UBAP2: variants seen among roughly 807,000 people sequenced by gnomAD.
The protein encoded by UBAP2 is ubiquitin-associated protein 2.
UBAP2 carries 75 observed loss-of-function variants against 139.6 expected under a neutral mutation model. The observed-to-expected ratio is 0.54, with a 90% CI of 0.45 to 0.65. UBAP2 has a LOEUF of 0.65. Among genes scored for constraint, UBAP2 ranks in the 30% least tolerant of loss-of-function variants. The pLI is 0.00. For missense variants in UBAP2, 1,368 were observed against 1,369.6 expected (o/e 1.00, Z 0.02); for synonymous variants, 526 against 526.2 (o/e 1.00, Z 0.01).
At chr9:33,961,190 T>G (rs970286374) in intron 9 of UBAP2, among the ~76,000 whole-genome samples, 2 of 152,230 alleles carry the variant, frequency 1.3e-5, no homozygotes, top group South Asian at 2.1e-4. Flanking sequence ...AATTCTGCCA[T>G]GAGTAAGAAA....
At chr9:34,037,145 T>G (rs1826500330) in intron 1 of UBAP2, among the ~76,000 whole-genome samples, 1 of 152,052 alleles carries the variant, frequency 6.6e-6, no homozygotes, top group Non-Finnish European at 1.5e-5. Context: ...CGTGCCACCA[T>G]GCCTGGCTAA....
At chr9:33,963,846 C>T in intron 8 of UBAP2, 55 bp from the exon 9 acceptor site, 9 of 1,260,566 alleles carry the variant, frequency 7.1e-6, no homozygotes, top group Non-Finnish European at 8.1e-6. Context: ...TGAAAGTATT[C>T]ATCACAGAGA....
intron 1 of UBAP2, among the ~76,000 whole-genome samples, chr9:34,043,772 G>A (rs912928915): frequency 4.1e-4 from 62 of 150,764 alleles, no homozygotes; most frequent in Non-Finnish European, 3.7e-4. Context: ...GGAATTACAC[G>A]CAGGAGCCAT....
chr9:33,945,232 C>A (rs1825565616), intron 13 of UBAP2, among the ~76,000 whole-genome samples: 1 of 152,110 alleles, frequency 6.6e-6, no homozygotes, highest in Non-Finnish European at 1.5e-5. Context: ...GGCGCAGTGG[C>A]TCACGCCTGT....
chr9:33,964,058 G>C (rs1488781066), intron 8 of UBAP2, among the ~76,000 whole-genome samples: 1 of 152,180 alleles, frequency 6.6e-6, no homozygotes, highest in East Asian at 1.9e-4. Context: ...ATCAAAGAGA[G>C]TATTCTAATC....
chr9:33,924,012 C>A lies in UBAP2; in HGVS notation c.2591-12G>T. The A allele has an allele frequency of 3.7e-6, 6 of 1,613,078 alleles. No homozygotes were observed. The highest frequency in any genetic ancestry group is 5.1e-6 in the Non-Finnish European group (6 of 1,179,976). On this transcript the variant is annotated splice_polypyrimidine_tract_variant and intron_variant, in intron 23 of 28. Transcript: ENST00000379238. The stretch of plus-strand genomic sequence containing the variant: ...CTTTGTGACATCACCTAGGAAAGAG[C>A]ACTGACTCCAGCCACTGCCCTTCCT...
chr9:33,997,456 A>C (rs1328343312), intron 3 of UBAP2: 1 of 152,238 alleles, frequency 6.6e-6, no homozygotes, highest in Non-Finnish European at 1.5e-5. Flanking sequence ...TCTAGAACCC[A>C]GGCCTCCTGA....
chr9:33,993,395 A>T (rs1821880811), intron 4 of UBAP2, among the ~76,000 whole-genome samples: 1 of 152,232 alleles, frequency 6.6e-6, no homozygotes, highest in Admixed American at 6.5e-5. Context: ...TAGGTAAGAG[A>T]TGAGGCAAAC....
At chr9:34,026,302 G>C (rs1825395682) in intron 1 of UBAP2, among the ~76,000 whole-genome samples, 1 of 152,166 alleles carries the variant, frequency 6.6e-6, no homozygotes, top group Non-Finnish European at 1.5e-5. Flanking sequence ...CCAGGATGTT[G>C]ACACACTTGT....
chr9:33,959,520 A>C (rs1826853784), intron 10 of UBAP2, among the ~76,000 whole-genome samples: 1 of 152,218 alleles, frequency 6.6e-6, no homozygotes, highest in Non-Finnish European at 1.5e-5. Flanking sequence ...CAAGAGTTCT[A>C]GAACTTGACA....
At chr9:34,025,269 G>C (rs1268577385) in intron 1 of UBAP2, among the ~76,000 whole-genome samples, 1 of 152,152 alleles carries the variant, frequency 6.6e-6, no homozygotes, top group Non-Finnish European at 1.5e-5. Flanking sequence ...GTGTACACTT[G>C]TGTTCCATCA....
intron 19 of UBAP2, among the ~76,000 whole-genome samples, chr9:33,930,895 C>G (rs1388737110): frequency 1.4e-5 from 1 of 73,252 alleles, no homozygotes; most frequent in Non-Finnish European, 2.5e-5. Context: ...GACTGCATCT[C>G]AAAAAAAAAA....
intron 5 of UBAP2, 45 bp downstream of exon 5, chr9:33,988,928 T>C (rs1192131800): frequency 6.3e-7 from 1 of 1,576,582 alleles, no homozygotes; most frequent in Non-Finnish European, 8.6e-7. Flanking sequence ...GAGGGTCACT[T>C]GAGATGAAAG....
intron 10 of UBAP2, 43 bp downstream of exon 10, chr9:33,960,780 CAAA>C (rs375878545): frequency 3.1e-4 from 407 of 1,309,418 alleles, no homozygotes; most frequent in Middle Eastern, 4.0e-4. Flanking sequence ...AATTCCATTT[CAAA>C]AAAAAAAAAA....
intron 6 of UBAP2, among the ~76,000 whole-genome samples, chr9:33,982,869 TG>T (rs1219249100): frequency 2.0e-5 from 3 of 149,960 alleles, no homozygotes; most frequent in African/African-American, 7.3e-5. Context: ...TAATGTGTGG[TG>T]TTTTTTTTTG....
intron 17 of UBAP2, 102 bp downstream of exon 17, chr9:33,935,737 T>G: frequency 2.9e-4 from 387 of 1,349,732 alleles, no homozygotes; most frequent in Non-Finnish European, 3.7e-4. Flanking sequence ...TTTTAACGAA[T>G]AAGCCATTGA....
At chr9:33,958,417 C>CT (rs35244821) in intron 10 of UBAP2, among the ~76,000 whole-genome samples, 21 of 149,460 alleles carry the variant, frequency 1.4e-4, no homozygotes, top group Non-Finnish European at 2.4e-4. Flanking sequence ...TCCCCACCCC[C>CT]TTTTTTTTTT....
At chr9:33,939,903 GA>G (rs58621291) in intron 16 of UBAP2, among the ~76,000 whole-genome samples, 1 of 19,848 alleles carries the variant, frequency 5.0e-5, no homozygotes, top group Non-Finnish European at 1.2e-4. Flanking sequence ...GGAGGAGGAG[GA>G]GGATGGGGAG....
At chr9:33,924,090 C>T in intron 23 of UBAP2, 90 bp from the exon 24 acceptor site, 4 of 1,587,920 alleles carry the variant, frequency 2.5e-6, no homozygotes, top group South Asian at 1.1e-5. Flanking sequence ...GGTCTGGCTG[C>T]CAGCTCAGCA....
Sources: allele counts gnomAD v4.1 joint callset (sites outside exome capture counted in the v4.1 genomes callset), GRCh38; gene constraint gnomAD v4.1.1; transcripts MANE v1.5; gene names NCBI Gene and HGNC (gene_info 2026-07-23, HGNC 2026-07-21).